Variants in AGBL4 observed in about 807,000 individuals in gnomAD.
AGBL4 encodes the protein cytosolic carboxypeptidase 6.
A neutral mutation model predicts 66.4 loss-of-function variants in AGBL4; 58 were observed. That is an observed-to-expected ratio of 0.87 (90% CI 0.71 to 1.09). The LOEUF (loss-of-function observed/expected upper bound fraction) is 1.09. Ranked by LOEUF, AGBL4 falls within the 50% of genes least tolerant of loss-of-function variation. AGBL4 has a pLI of 0.00. For missense variants in AGBL4, 579 were observed against 631.0 expected, an observed-to-expected ratio of 0.92 and a Z score of 0.88; for synonymous variants, 234 against 222.9, an observed-to-expected ratio of 1.05 and a Z score of -0.44.
chr1:49,193,740 A>G (rs948257212), intron 4 of AGBL4, among the ~76,000 whole-genome samples: 4 of 151,660 alleles, frequency 2.6e-5, no homozygotes, highest in South Asian at 2.1e-4. Flanking sequence ...TCACCATGTT[A>G]GCCATGATGG....
intron 5 of AGBL4, among the ~76,000 whole-genome samples, chr1:48,882,502 T>C (rs1649888290): frequency 6.6e-6 from 1 of 152,204 alleles, no homozygotes; most frequent in Non-Finnish European, 1.5e-5. Context: ...CATTCTCACA[T>C]GGCTATAAAG....
intron 5 of AGBL4, among the ~76,000 whole-genome samples, chr1:49,015,930 C>T (rs949735689): frequency 5.3e-5 from 8 of 152,112 alleles, no homozygotes; most frequent in South Asian, 2.1e-4. Flanking sequence ...AGGTTTTCAT[C>T]TTAATTCTAC....
intron 3 of AGBL4, among the ~76,000 whole-genome samples, chr1:49,608,097 T>C (rs913879919): frequency 6.6e-6 from 1 of 152,090 alleles, no homozygotes; most frequent in African/African-American, 2.4e-5. Context: ...CACAGTCTAA[T>C]GACAAAGCTT....
In AGBL4 at chr1:49,462,877, G is replaced by T. The variant is rs146099636; in HGVS notation, c.283-217013C>A. 1.5e-3 allele frequency among the ~76,000 whole-genome samples: 226 copies of T among 151,766 alleles called. 5 individuals are homozygous for T. Among genetic ancestry groups the T allele is most frequent in the African/African-American group, 5.3e-3 (219 of 41,482 alleles). On this transcript the variant is annotated intron_variant, in intron 3 of 13. Coordinates refer to ENST00000371839, the MANE Select transcript of AGBL4 (RefSeq NM_032785.4). Reference sequence around the variant, plus strand: ...TCAAGATCCCCAAGATATTTCGGAGGTTTATGGCAATAAGGTTACTTGAAA... The same window carrying T: ...TCAAGATCCCCAAGATATTTCGGAGTTTTATGGCAATAAGGTTACTTGAAA...
At chr1:49,730,499 C>T (rs2124711221) in intron 2 of AGBL4, among the ~76,000 whole-genome samples, 1 of 152,266 alleles carries the variant, frequency 6.6e-6, no homozygotes, top group African/African-American at 2.4e-5. Flanking sequence ...AGAGACAGAA[C>T]TATGGCATTC....
chr1:49,412,234 A>T (rs1476448394), intron 3 of AGBL4, among the ~76,000 whole-genome samples: 1 of 152,174 alleles, frequency 6.6e-6, no homozygotes, highest in Non-Finnish European at 1.5e-5. Context: ...GAAGTTTGAG[A>T]TCAGAGTGCC....
At chr1:48,709,732 T>G (rs1384076708) in intron 6 of AGBL4, among the ~76,000 whole-genome samples, 2 of 151,910 alleles carry the variant, frequency 1.3e-5, no homozygotes, top group South Asian at 2.1e-4. Flanking sequence ...CTCCTGAGTA[T>G]CTGGGACTAC....
chr1:48,918,009 G>C (rs900350726), intron 5 of AGBL4, among the ~76,000 whole-genome samples: 7 of 152,182 alleles, frequency 4.6e-5, no homozygotes, highest in Non-Finnish European at 8.8e-5. Flanking sequence ...CTGATGCTCC[G>C]TGATGAGTCA....
intron 3 of AGBL4, among the ~76,000 whole-genome samples, chr1:49,523,446 A>G (rs1650419559): frequency 6.6e-6 from 1 of 152,096 alleles, no homozygotes; most frequent in South Asian, 2.1e-4. Context: ...TTAAGAATAT[A>G]TATAGTGCTT....
At chr1:49,452,523 T>C (rs755146827) in intron 3 of AGBL4, among the ~76,000 whole-genome samples, 9 of 152,010 alleles carry the variant, frequency 5.9e-5, no homozygotes, top group Non-Finnish European at 1.0e-4. Flanking sequence ...GGGGGTTCAA[T>C]AGTCTCTTAG....
chr1:49,843,167 C>A (rs544289575), intron 2 of AGBL4, among the ~76,000 whole-genome samples: 4 of 152,090 alleles, frequency 2.6e-5, no homozygotes, highest in Non-Finnish European at 4.4e-5. Context: ...TGCTCTCTTG[C>A]CCAGGCTAGA....
chr1:49,827,148 C>A (rs1296474274), intron 2 of AGBL4, among the ~76,000 whole-genome samples: 2 of 151,976 alleles, frequency 1.3e-5, no homozygotes, highest in Non-Finnish European at 2.9e-5. Context: ...ACATTTTAGA[C>A]TATTACAATG....
At chr1:48,577,989 T>A (rs1355588736) in intron 11 of AGBL4, among the ~76,000 whole-genome samples, 2 of 152,208 alleles carry the variant, frequency 1.3e-5, no homozygotes, top group Non-Finnish European at 2.9e-5. Context: ...ACATTCGCAC[T>A]CTACCACTAC....
At position 49,775,796 on chromosome 1, in the gene AGBL4, A is replaced by G. The variant is rs368980338; in HGVS notation, c.157+75600T>C. ...AATGAATAAAGACTTCAATCTTATA[A>G]TAACCTATAATAATATACAGAATAT... On this transcript the variant is annotated intron_variant, in intron 2 of 13. Coordinates refer to ENST00000371839, the MANE Select transcript of AGBL4 (RefSeq NM_032785.4). Among the ~76,000 whole-genome samples the G allele has an allele frequency of 1.9e-4, 29 of 152,236 alleles. No individual in the cohort carries two copies. In the South Asian group the frequency reaches 5.6e-3, roughly 29 times the overall value.
chr1:49,422,780 C>T (rs1252984801), intron 3 of AGBL4, among the ~76,000 whole-genome samples: 2 of 152,154 alleles, frequency 1.3e-5, no homozygotes, highest in African/African-American at 4.8e-5. Flanking sequence ...TGATTCTCAT[C>T]CCCACCCCCT....
intron 5 of AGBL4, among the ~76,000 whole-genome samples, chr1:48,878,228 C>T (rs891117793): frequency 6.6e-6 from 1 of 152,104 alleles, no homozygotes; most frequent in Non-Finnish European, 1.5e-5. Context: ...GGTTCCCATT[C>T]TCCTTCAGAC....
intron 3 of AGBL4, among the ~76,000 whole-genome samples, chr1:49,352,169 G>A (rs1033157594): frequency 2.0e-5 from 3 of 152,000 alleles, no homozygotes; most frequent in Non-Finnish European, 2.9e-5. Context: ...ACAGAACACC[G>A]CTTGCATCTC....
intron 4 of AGBL4, among the ~76,000 whole-genome samples, chr1:49,170,281 ATTATAAATTTATATTCATATAAATATG>A (rs1646712634): frequency 5.1e-5 from 7 of 137,330 alleles, no homozygotes; most frequent in Admixed American, 2.2e-4. Context: ...ATATAAATAT[ATTATAAATTTATATTCATATAAATATG>A]TTATAAATTT....
intron 2 of AGBL4, among the ~76,000 whole-genome samples, chr1:49,801,795 A>T (rs1557461010): frequency 6.6e-6 from 1 of 152,206 alleles, no homozygotes; most frequent in South Asian, 2.1e-4. Context: ...CTTAAAAAGC[A>T]TCATTTGAAA....
Sources: allele counts gnomAD v4.1 joint callset (sites outside exome capture counted in the v4.1 genomes callset), GRCh38; gene constraint gnomAD v4.1.1; transcripts MANE v1.5; gene names NCBI Gene and HGNC (gene_info 2026-07-23, HGNC 2026-07-21).